Variants in PNPLA7 observed in about 807,000 individuals in gnomAD.
PNPLA7 encodes the protein patatin-like phospholipase domain-containing protein 7.
In PNPLA7, 153 loss-of-function variants were observed where a neutral mutation model predicts 161.7. That is an observed-to-expected ratio of 0.95 (90% CI 0.83 to 1.08). The LOEUF is 1.08. Among genes scored for constraint, PNPLA7 ranks in the 50% least tolerant of loss-of-function variants. The pLI is 0.00. For missense variants in PNPLA7, 1,739 were observed against 1,856.6 expected (o/e 0.94, Z 1.16); for synonymous variants, 809 against 782.1 (o/e 1.03, Z -0.57).
In PNPLA7 at chr9:137,460,722, T is replaced by C. The variant is rs1343837123; in HGVS notation, c.3857A>G (p.Gln1286Arg). Reference protein sequence around the residue: ...PAMVDDESDYQTEYEEELLDV... With the variant: ...PAMVDDESDYRTEYEEELLDV... ...CAGCAGCTCCTCCTCGTACTCCGTC[T>C]GGTAGTCAGATTCGTCTGGCACCGA... The change falls in exon 34 of 35, where the codon CAG becomes CGG. Residue 1286 changes from glutamine (Q) to arginine (R), a missense_variant. Physicochemically the swap from Gln to Arg is conservative, Grantham distance 43. Coordinates refer to ENST00000406427, the MANE Select transcript of PNPLA7 (RefSeq NM_001098537.3). 2 of 1,612,616 alleles carry C rather than the reference T, an allele frequency of 1.2e-6. No homozygotes were observed. Among genetic ancestry groups the C allele is most frequent in the African/African-American group, 1.3e-5 (1 of 74,940 alleles).
intron 9 of PNPLA7, among the ~76,000 whole-genome samples, chr9:137,522,517 A>G (rs1468716741): frequency 6.6e-6 from 1 of 152,256 alleles, no homozygotes; most frequent in Non-Finnish European, 1.5e-5. Flanking sequence ...AACCTTCATT[A>G]TTCCCGAACC....
chr9:137,508,721 C>T (rs1449468179), intron 12 of PNPLA7: 2 of 151,960 alleles, frequency 1.3e-5, no homozygotes, highest in Non-Finnish European at 2.9e-5. Flanking sequence ...AATATATTAA[C>T]CACAAAAGAA....
chr9:137,547,218 T>A lies in PNPLA7; in HGVS notation c.193+91A>T. On this transcript the variant is annotated intron_variant, in intron 3 of 34. Coordinates refer to ENST00000406427, the MANE Select transcript of PNPLA7 (RefSeq NM_001098537.3). The surrounding 1 kb of genome is among the most constrained non-coding windows in gnomAD (Gnocchi z 4.6). ...ATTCTAGCCAAAGCCACCATGCGCT[T>A]GAGGGCCCCTCCCAGGGGCTCAAAA... The A allele has an allele frequency of 7.9e-7, 1 of 1,272,932 alleles. No homozygotes were observed. Among genetic ancestry groups the A allele is most frequent in the South Asian group, 1.2e-5 (1 of 82,786 alleles). 78.9% of individuals were successfully genotyped at this position (1,272,932 alleles called of 1,614,324 possible).
chr9:137,503,891 AGAAGAAGAAG>A (rs1275786722), intron 14 of PNPLA7, among the ~76,000 whole-genome samples: 607 of 51,642 alleles, frequency 0.012, 12 homozygotes, highest in African/African-American at 0.035. Flanking sequence ...AGAAGAAGGA[AGAAGAAGAAG>A]GAAGAAGAAA....
chr9:137,512,228 T>C (rs1234627355), intron 12 of PNPLA7, among the ~76,000 whole-genome samples: 1 of 152,250 alleles, frequency 6.6e-6, no homozygotes, highest in Non-Finnish European at 1.5e-5. Flanking sequence ...AACAGAAATG[T>C]GTACACGCTC....
At chr9:137,493,715 C>T (rs1402066526) in intron 19 of PNPLA7, among the ~76,000 whole-genome samples, 1 of 152,240 alleles carries the variant, frequency 6.6e-6, no homozygotes, top group African/African-American at 2.4e-5. Context: ...TGGGCCAGGG[C>T]TCCTGCTCCG....
chr9:137,501,159 C>A (rs1564318487), intron 15 of PNPLA7, among the ~76,000 whole-genome samples: 1 of 152,228 alleles, frequency 6.6e-6, no homozygotes, highest in South Asian at 2.1e-4. Context: ...CCTCCCGGCA[C>A]CCGCATACTG....
intron 9 of PNPLA7, among the ~76,000 whole-genome samples, chr9:137,522,289 T>C (rs948221123): frequency 2.6e-5 from 4 of 151,650 alleles, no homozygotes; most frequent in Non-Finnish European, 5.9e-5. Flanking sequence ...TGAGCCAGGA[T>C]GGTCTCGATC....
chr9:137,492,980 C>T (rs1444285383), intron 20 of PNPLA7, 33 bp downstream of exon 20: 4 of 1,605,422 alleles, frequency 2.5e-6, no homozygotes, highest in African/African-American at 1.3e-5. Flanking sequence ...GTGAGGGCTC[C>T]CAGGAGGCTC....
Position 137,467,237 on chromosome 9 carries a change from G to A in PNPLA7, c.3039+80C>T, listed in dbSNP as rs1564283039. On this transcript the variant is annotated intron_variant, in intron 26 of 34. Coordinates refer to ENST00000406427, the MANE Select transcript of PNPLA7 (RefSeq NM_001098537.3). This position sits in a 1 kb window ranked among gnomAD's most constrained non-coding sequence, Gnocchi z 5.1. Reference sequence around the variant, plus strand: ...AGGGCCCTGCAGAGCCACATGCAGAGGCCAACGGCCCCAGCGTCCCCCAGC... The same window carrying A: ...AGGGCCCTGCAGAGCCACATGCAGAAGCCAACGGCCCCAGCGTCCCCCAGC... The A allele has an allele frequency of 1.3e-6, 2 of 1,497,136 alleles. No individual in the cohort carries two copies. Among genetic ancestry groups the A allele is most frequent in the East Asian group, 4.9e-5 (2 of 40,604 alleles). The allele number at this position is 1,497,136 out of a possible 1,614,324, so 92.7% of individuals were successfully genotyped here.
chr9:137,482,319 T>C (rs1318942243), intron 21 of PNPLA7, among the ~76,000 whole-genome samples: 1 of 152,178 alleles, frequency 6.6e-6, no homozygotes, highest in Non-Finnish European at 1.5e-5. Flanking sequence ...AATTGCCAAA[T>C]CCTGGAAGCA....
chr9:137,508,355 CAGG>C (rs1305974326), intron 12 of PNPLA7, among the ~76,000 whole-genome samples: 1 of 152,154 alleles, frequency 6.6e-6, no homozygotes, highest in East Asian at 1.9e-4. Flanking sequence ...ATCACGAGGT[CAGG>C]AGATCGAGAC....
intron 11 of PNPLA7, among the ~76,000 whole-genome samples, chr9:137,516,829 T>C (rs1412172532): frequency 6.7e-6 from 1 of 149,946 alleles, no homozygotes; most frequent in Non-Finnish European, 1.5e-5. Context: ...ATAGTAATAA[T>C]AATAATTATT....
chr9:137,516,401 A>G (rs1248569929), intron 11 of PNPLA7: 3 of 984,640 alleles, frequency 3.0e-6, no homozygotes, highest in Non-Finnish European at 3.6e-6. Context: ...GCCCATGAGC[A>G]CCCCCGGCCC....
intron 12 of PNPLA7, among the ~76,000 whole-genome samples, chr9:137,514,688 G>A (rs1834429221): frequency 7.1e-6 from 1 of 140,306 alleles, no homozygotes; most frequent in Non-Finnish European, 1.5e-5. Flanking sequence ...CTGCAGGCGG[G>A]TCACTCGGAT....
rs78284062 is a variant in PNPLA7, at chr9:137,480,156, C to A, written c.2580+156G>T. Among the ~76,000 whole-genome samples, 1,358 of 152,360 alleles carry A rather than the reference C, an allele frequency of 8.9e-3. 22 individuals carry two copies. Among genetic ancestry groups the A allele is most frequent in the African/African-American group, 0.03 (1,229 of 41,580 alleles). On this transcript the variant is annotated intron_variant, in intron 23 of 34. Coordinates refer to ENST00000406427, the MANE Select transcript of PNPLA7 (RefSeq NM_001098537.3). ...AGAACCCCTGGAGGTCAATACAGCA[C>A]CGTGTTTTTAAAACATGGGTAGCAG...
intron 1 of PNPLA7, among the ~76,000 whole-genome samples, chr9:137,549,768 G>C (rs1466745148): frequency 1.3e-5 from 2 of 151,894 alleles, no homozygotes; most frequent in Non-Finnish European, 1.5e-5. Context: ...CTGGGCGACA[G>C]AGCGAGACTC....
intron 12 of PNPLA7, among the ~76,000 whole-genome samples, chr9:137,514,552 G>A (rs1356011247): frequency 6.9e-6 from 1 of 145,160 alleles, no homozygotes; most frequent in African/African-American, 2.6e-5. Flanking sequence ...TCACCCGGAT[G>A]TTGAGGTGCC....
rs77836646 is a variant in PNPLA7, at chr9:137,470,460, C to T, written c.2883-2987G>A. On this transcript the variant is annotated intron_variant, in intron 25 of 34. Coordinates refer to ENST00000406427, the MANE Select transcript of PNPLA7 (RefSeq NM_001098537.3). Reference sequence around the variant, plus strand: ...ATTTCTGGCTGAGCGCAGCGGCTCACACTTGTAATCCCAGCAGCGAGCTGT... The same window carrying T: ...ATTTCTGGCTGAGCGCAGCGGCTCATACTTGTAATCCCAGCAGCGAGCTGT... Among the ~76,000 whole-genome samples, 282 of 152,292 alleles carry T rather than the reference C, an allele frequency of 1.9e-3. 2 individuals are homozygous for T. Among genetic ancestry groups the T allele is most frequent in the African/African-American group, 6.6e-3 (273 of 41,558 alleles).
Sources: gnomAD v4.1 joint callset for allele counts (sites outside exome capture counted in the v4.1 genomes callset) on GRCh38, gnomAD v4.1.1 for gene constraint, Gnocchi (gnomAD v3.1) non-coding constraint, MANE v1.5 for transcripts, NCBI Gene and HGNC (gene_info 2026-07-23, HGNC 2026-07-21) for gene names.